NACC2: variants seen among roughly 807,000 people sequenced by gnomAD.
The protein encoded by NACC2 is NACC family member 2.
A neutral mutation model predicts 25.1 loss-of-function variants in NACC2; 8 were observed. The observed-to-expected ratio is 0.32, with a 90% CI of 0.19 to 0.57. NACC2 has a LOEUF of 0.57. Among genes scored for constraint, NACC2 ranks in the 20% least tolerant of loss-of-function variants. The pLI is 0.89. For synonymous variants in NACC2, 435 were observed against 294.7 expected, an observed-to-expected ratio of 1.48 and a Z score of -4.88; for missense variants, 644 against 650.2, an observed-to-expected ratio of 0.99 and a Z score of 0.10.
In NACC2 at chr9:136,009,737, A is replaced by C. The variant is rs3811131; in HGVS notation, c.*1779T>G. The C allele has an allele frequency of 0.24, 37,163 of 152,300 alleles. 5,750 individuals carry two copies. The highest frequency in any genetic ancestry group is 0.34 in the Non-Finnish European group (23,463 of 68,066). The allele number at this position is 152,300 out of a possible 1,614,324, so 9.4% of individuals were successfully genotyped here. Reference sequence around the variant, plus strand: ...GTAGGTCCCCAGGCCAGGGTGCAGCACATGGTCCTCCCCTAGCGGAGGCGG... The same window carrying C: ...GTAGGTCCCCAGGCCAGGGTGCAGCCCATGGTCCTCCCCTAGCGGAGGCGG... On this transcript the variant is annotated 3_prime_UTR_variant, in exon 6 of 6. Transcript: ENST00000277554.
At chr9:136,076,174 C>T (rs1006612706) in intron 1 of NACC2, among the ~76,000 whole-genome samples, 2 of 152,178 alleles carry the variant, frequency 1.3e-5, no homozygotes, top group African/African-American at 4.8e-5. Flanking sequence ...CTATATGCAA[C>T]CAAAAGAAAA....
At chr9:136,040,962 GGAAA>G (rs1269516144) in intron 2 of NACC2, among the ~76,000 whole-genome samples, 4 of 143,472 alleles carry the variant, frequency 2.8e-5, no homozygotes, top group South Asian at 2.2e-4. Context: ...GTGAGACCCT[GGAAA>G]GAAAGAAAGA....
Position 136,007,724 on chromosome 9 carries a change from G to A in NACC2, c.*3792C>T, listed in dbSNP as rs570203611. The A allele has an allele frequency of 6.6e-6, 1 of 152,366 alleles. No individual in the cohort carries two copies. The highest frequency in any genetic ancestry group is 1.9e-4 in the East Asian group (1 of 5,184). The allele number at this position is 152,366 out of a possible 1,614,324, so 9.4% of individuals were successfully genotyped here. A position where few individuals can be genotyped will look rare whatever the true frequency, so the allele number is the denominator to read the frequency against. ...TGGCAGAGGCAGACAGAGGGTTCTT[G>A]GAGTTTTCAGTTGGTTCATGGGCCA... On this transcript the variant is annotated 3_prime_UTR_variant, in exon 6 of 6. Transcript: ENST00000277554.
At chr9:136,073,387 A>AC (rs1221855195) in intron 1 of NACC2, among the ~76,000 whole-genome samples, 2 of 151,974 alleles carry the variant, frequency 1.3e-5, no homozygotes, top group African/African-American at 2.4e-5. Context: ...CTGTGGTCTT[A>AC]CCGCTGCACT....
At position 136,013,809 on chromosome 9, in the gene NACC2, A is replaced by T; in HGVS notation, c.1157+55T>A. On this transcript the variant is annotated intron_variant, in intron 4 of 5. Coordinates refer to ENST00000277554, the MANE Select transcript of NACC2 (RefSeq NM_144653.5). The surrounding 1 kb of genome is among the most constrained non-coding windows in gnomAD (Gnocchi z 6.6). ...CGATCAGACAGCTCATAGCTAAAGG[A>T]GCCAGAACCCTCCGCAGCTCCATTG... is the stretch of plus-strand genomic sequence containing the variant. 6.8e-7 allele frequency: 1 copy of T among 1,479,820 alleles called. No individual in the cohort carries two copies. The highest frequency in any genetic ancestry group is 9.4e-7 in the Non-Finnish European group (1 of 1,065,944). The allele number at this position is 1,479,820 out of a possible 1,614,324, so 91.7% of individuals were successfully genotyped here.
intron 1 of NACC2, among the ~76,000 whole-genome samples, chr9:136,051,911 G>GGAGGAGGAGGAGGAA (rs1840849233): frequency 2.1e-5 from 2 of 93,860 alleles, no homozygotes; most frequent in African/African-American, 9.0e-5. Context: ...AGGAGGAGGA[G>GGAGGAGGAGGAGGAA]ATGGTGGAGG....
At chr9:136,076,649 T>C (rs554281743) in intron 1 of NACC2, among the ~76,000 whole-genome samples, 31 of 152,306 alleles carry the variant, frequency 2.0e-4, no homozygotes, top group African/African-American at 5.5e-4. Flanking sequence ...TTACTGCCAC[T>C]GAACTGTGCG....
At position 136,093,675 on chromosome 9, in the gene NACC2, C is replaced by A. The variant is rs147465198; in HGVS notation, c.-60+1514G>T. ...TCCTTTTATTTCCTCCCCTTGGACT[C>A]TGGCCCAGCTACCACCCAACAGTGA... On this transcript the variant is annotated intron_variant, in intron 1 of 5. Transcript: ENST00000277554. Among the ~76,000 whole-genome samples, 117 of 152,354 alleles carry A rather than the reference C, an allele frequency of 7.7e-4. No homozygotes were observed. The East Asian group carries it at 0.011, about 15-fold the overall frequency.
chr9:136,029,202 T>C (rs1041394132), intron 2 of NACC2, among the ~76,000 whole-genome samples: 5 of 152,128 alleles, frequency 3.3e-5, no homozygotes, highest in African/African-American at 1.2e-4. Flanking sequence ...AGCATGCACA[T>C]CCTGCCCTCT....
chr9:136,050,657 C>CAA (rs1840815790), intron 1 of NACC2, 77 bp from the exon 2 acceptor site: 5 of 654,690 alleles, frequency 7.6e-6, no homozygotes, highest in Non-Finnish European at 1.4e-5. Context: ...CCCACCCCCT[C>CAA]CTCCCCCGCC....
At chr9:136,015,614 C>T (rs1018637989) in intron 3 of NACC2, among the ~76,000 whole-genome samples, 1 of 152,190 alleles carries the variant, frequency 6.6e-6, no homozygotes, top group Non-Finnish European at 1.5e-5. Context: ...CGCAGAACTG[C>T]TCAGGCTGTG....
rs923448259 is a variant in NACC2, at chr9:136,016,544, C to T, written c.887-115G>A. 5 of 1,305,586 alleles carry T rather than the reference C, an allele frequency of 3.8e-6. No homozygotes were observed. In the East Asian group the frequency reaches 1.2e-4, roughly 32 times the overall value. 80.9% of individuals were successfully genotyped at this position (1,305,586 alleles called of 1,614,324 possible). A position where few individuals can be genotyped will look rare whatever the true frequency, so the allele number is the denominator to read the frequency against. On this transcript the variant is annotated intron_variant, in intron 2 of 5. Transcript: ENST00000277554. ...CCTGTGTTAGACCCACTCTGCCCAC[C>T]TGGGCCCAGGTGAGGCCACTCTGTG...
At chr9:136,067,567 G>A (rs1841100566) in intron 1 of NACC2, among the ~76,000 whole-genome samples, 1 of 152,208 alleles carries the variant, frequency 6.6e-6, no homozygotes. Context: ...GCCGGGCGCG[G>A]TGGCTCACGC....
rs1386126733 is a variant in NACC2 at position 136,018,978 on chromosome 9, C to G, written c.887-2549G>C. Among the ~76,000 whole-genome samples, 1 of 151,622 alleles carries G rather than the reference C, an allele frequency of 6.6e-6. No homozygotes were observed. The highest frequency in any genetic ancestry group is 2.4e-5 in the African/African-American group (1 of 41,248). On this transcript the variant is annotated intron_variant, in intron 2 of 5. Coordinates refer to ENST00000277554, the MANE Select transcript of NACC2 (RefSeq NM_144653.5). The surrounding 1 kb of genome is among the most constrained non-coding windows in gnomAD (Gnocchi z 4.4). ...TTGTGCTTGGAACACCCGCCCCTCC[C>G]CAGCCCCTGCCCAGCTCCCCAAGAG... is the stretch of plus-strand genomic sequence containing the variant.
rs1174610405 is a variant in NACC2 at position 136,095,229 on chromosome 9, G to T, written c.-100C>A. 6.8e-6 allele frequency: 1 copy of T among 147,534 alleles called. No individual in the cohort carries two copies. The highest frequency in any genetic ancestry group is 2.0e-4 in the East Asian group (1 of 5,090). The allele number at this position is 147,534 out of a possible 1,614,324, so 9.1% of individuals were successfully genotyped here. A position where few individuals can be genotyped will look rare whatever the true frequency, so the allele number is the denominator to read the frequency against. On this transcript the variant is annotated 5_prime_UTR_variant, in exon 1 of 6. Transcript: ENST00000277554. ...CCGGTCCGGCCTGGGCAGCTGCGGC[G>T]CGCCGCCCGCGGCAGGAAGTGCTTG...
Position 136,011,833 on chromosome 9 carries a change from A to G in NACC2, c.1447T>C (p.Phe483Leu). Residue 483 changes from phenylalanine to leucine, a missense_variant, in exon 6 of 6, where the codon TTC (phenylalanine) becomes CTC (leucine). Transcript: ENST00000277554. ...AAASVPLDPEFPPAAAQVFEQ... is the reference protein window; with the variant it reads ...AAASVPLDPELPPAAAQVFEQ... ...AACACCTGTGCCGCGGCAGGCGGGA[A>G]CTCGGGGTCGAGGGGCACGCTGGCG... The G allele has an allele frequency of 6.4e-7, 1 of 1,565,612 alleles. No individual in the cohort carries two copies. The highest frequency in any genetic ancestry group is 8.6e-7 in the Non-Finnish European group (1 of 1,158,470).
intron 1 of NACC2, among the ~76,000 whole-genome samples, chr9:136,081,052 C>T (rs535840492): frequency 1.3e-5 from 2 of 152,290 alleles, no homozygotes; most frequent in African/African-American, 4.8e-5. Flanking sequence ...CCCACGGGCC[C>T]AGGGTCACGG....
At chr9:136,082,203 GTC>G (rs913989229) in intron 1 of NACC2, among the ~76,000 whole-genome samples, 4 of 152,180 alleles carry the variant, frequency 2.6e-5, no homozygotes, top group Non-Finnish European at 5.9e-5. Context: ...CCCTCTGCCC[GTC>G]TCCCCAGGGT....
chr9:136,054,397 A>G (rs942594996), intron 1 of NACC2, among the ~76,000 whole-genome samples: 55 of 152,316 alleles, frequency 3.6e-4, no homozygotes, highest in Non-Finnish European at 6.3e-4. Context: ...CTGCAGCCCC[A>G]CGCCCCAGCC....
Sources: gnomAD v4.1 joint callset for allele counts (sites outside exome capture counted in the v4.1 genomes callset) on GRCh38, gnomAD v4.1.1 for gene constraint, Gnocchi (gnomAD v3.1) non-coding constraint, MANE v1.5 for transcripts, NCBI Gene and HGNC (gene_info 2026-07-23, HGNC 2026-07-21) for gene names.